CHKA: variants seen among roughly 807,000 people sequenced by gnomAD.
CHKA encodes choline kinase alpha.
CHKA carries 34 observed loss-of-function variants against 60.1 expected under a neutral mutation model. The observed-to-expected ratio is 0.57, with a 90% CI of 0.43 to 0.75. The LOEUF (loss-of-function observed/expected upper bound fraction) is 0.75. CHKA is among the 30% of genes least tolerant of loss of function. CHKA has a pLI of 0.00. For missense variants in CHKA, 563 were observed against 561.3 expected (o/e 1.00, Z -0.03); for synonymous variants, 217 against 223.1 (o/e 0.97, Z 0.24).
chr11:68,086,788 C>T (rs1484650625), intron 2 of CHKA, among the ~76,000 whole-genome samples: 7 of 152,164 alleles, frequency 4.6e-5, no homozygotes, highest in South Asian at 2.1e-4. Context: ...GGGATTGAGA[C>T]CATCCTGGCT....
intron 1 of CHKA, among the ~76,000 whole-genome samples, chr11:68,104,187 T>C (rs996650027): frequency 2.6e-5 from 4 of 152,182 alleles, no homozygotes; most frequent in Non-Finnish European, 2.9e-5. Context: ...TGTGACAATA[T>C]GGATGAACCT....
chr11:68,095,511 C>A (rs1857473038), intron 2 of CHKA, among the ~76,000 whole-genome samples: 1 of 146,496 alleles, frequency 6.8e-6, no homozygotes, highest in South Asian at 2.2e-4. Context: ...AGATCGAGAC[C>A]ATCCTGGCTA....
chr11:68,079,919 G>T (rs1856923436), intron 3 of CHKA, among the ~76,000 whole-genome samples: 1 of 152,144 alleles, frequency 6.6e-6, no homozygotes, highest in Non-Finnish European at 1.5e-5. Flanking sequence ...CAAATCATGG[G>T]GCGCCCTAGC....
At position 68,066,639 on chromosome 11, in the gene CHKA, T is replaced by C. The variant is rs912146536; in HGVS notation, c.929-123A>G. Reference sequence around the variant, plus strand: ...TCCTAACTGAATGTGGCTTTTGGTCTGTGGACATCACCAGGGCCTAGACAG... The same window carrying C: ...TCCTAACTGAATGTGGCTTTTGGTCCGTGGACATCACCAGGGCCTAGACAG... On this transcript the variant is annotated intron_variant, in intron 7 of 11. Coordinates refer to ENST00000265689, the MANE Select transcript of CHKA (RefSeq NM_001277.3). 4.2e-5 allele frequency: 32 copies of C among 760,968 alleles called. 1 individual carries two copies. The highest frequency in any genetic ancestry group is 4.0e-4 in the South Asian group (25 of 62,284). 47.1% of individuals were successfully genotyped at this position (760,968 alleles called of 1,614,324 possible).
chr11:68,073,926 A>G (rs1024953488), intron 4 of CHKA, among the ~76,000 whole-genome samples: 10 of 152,184 alleles, frequency 6.6e-5, no homozygotes, highest in African/African-American at 2.4e-4. Context: ...TGATCTATCT[A>G]GGAAGAGAGT....
In CHKA at chr11:68,053,735, T is replaced by G; in HGVS notation, c.*253A>C. ...AAATGCCTTCTCTAGATTAAAAGGA[T>G]TCAGAGATGTTGCACTATTGCACTA... On this transcript the variant is annotated 3_prime_UTR_variant, in exon 12 of 12. Coordinates refer to ENST00000265689, the MANE Select transcript of CHKA (RefSeq NM_001277.3). 1 of 413,722 alleles carries G rather than the reference T, an allele frequency of 2.4e-6. No individual in the cohort carries two copies. The highest frequency in any genetic ancestry group is 4.3e-6 in the Non-Finnish European group (1 of 230,386). 25.6% of individuals were successfully genotyped at this position (413,722 alleles called of 1,614,324 possible).
intron 9 of CHKA, 38 bp from the exon 10 acceptor site, chr11:68,064,669 T>C: frequency 8.2e-7 from 1 of 1,213,822 alleles, no homozygotes; most frequent in South Asian, 1.4e-5. Flanking sequence ...CAATGATGGT[T>C]AAAATAGACA....
chr11:68,078,968 G>A (rs1856882833), intron 3 of CHKA, among the ~76,000 whole-genome samples: 1 of 151,244 alleles, frequency 6.6e-6, no homozygotes, highest in African/African-American at 2.4e-5. Context: ...TTTTGGAGAT[G>A]GATAGCCCAG....
intron 1 of CHKA, among the ~76,000 whole-genome samples, chr11:68,103,663 G>A (rs975187166): frequency 6.6e-6 from 1 of 151,854 alleles, no homozygotes; most frequent in African/African-American, 2.4e-5. Context: ...TGTAATCCCC[G>A]CACTTTGGAA....
chr11:68,103,192 A>G (rs562348814), intron 1 of CHKA, among the ~76,000 whole-genome samples: 1 of 152,276 alleles, frequency 6.6e-6, no homozygotes, highest in South Asian at 2.1e-4. Flanking sequence ...GATGACAAAT[A>G]AATGGCCAGA....
intron 2 of CHKA, among the ~76,000 whole-genome samples, chr11:68,083,552 A>G (rs928875574): frequency 6.6e-6 from 1 of 152,148 alleles, no homozygotes; most frequent in African/African-American, 2.4e-5. Context: ...AGATACAGTT[A>G]ATGGGTTATT....
chr11:68,066,071 A>G (rs929606489), intron 8 of CHKA, among the ~76,000 whole-genome samples, 177 bp from the exon 9 acceptor site: 3 of 152,178 alleles, frequency 2.0e-5, no homozygotes, highest in Admixed American at 6.5e-5. Context: ...CAGGTGGTTG[A>G]TCAGCATCAC....
rs141518832 is a variant in CHKA at position 68,062,415 on chromosome 11, C to A, written c.1233-381G>T. ...AGCTTGCTACAAGGGAGGGTGCACA[C>A]CATAGCAACCAAGAGGCAGCCCTTT... On this transcript the variant is annotated intron_variant, in intron 10 of 11. Coordinates refer to ENST00000265689, the MANE Select transcript of CHKA (RefSeq NM_001277.3). Among the ~76,000 whole-genome samples the A allele has an allele frequency of 5.9e-3, 895 of 152,350 alleles. 2 individuals are homozygous for A. Among genetic ancestry groups the A allele is most frequent in the African/African-American group, 0.017 (694 of 41,566 alleles).
At position 68,115,131 on chromosome 11, in the gene CHKA, T is replaced by G. The variant is rs753570901; in HGVS notation, c.350+5697A>C. On this transcript the variant is annotated intron_variant, in intron 1 of 11. Coordinates refer to ENST00000265689, the MANE Select transcript of CHKA (RefSeq NM_001277.3). ...CACTTTATTATAAAAACAGACTTTC[T>G]GTTAGATTACTTTGCCCAACTGTAA... is the stretch of plus-strand genomic sequence containing the variant. Among the ~76,000 whole-genome samples, 134 of 152,324 alleles carry G rather than the reference T, an allele frequency of 8.8e-4. 2 individuals carry two copies. The highest frequency in any genetic ancestry group is 1.1e-3 in the Non-Finnish European group (78 of 68,030).
Position 68,062,163 on chromosome 11 carries a change from T to C in CHKA, c.1233-129A>G, listed in dbSNP as rs1856273184. The C allele has an allele frequency of 4.5e-6, 3 of 661,486 alleles. No homozygotes were observed. The South Asian group carries it at 5.4e-5, about 12-fold the overall frequency. 41.0% of individuals were successfully genotyped at this position (661,486 alleles called of 1,614,324 possible). ...AAACCTAGTTAGTGTTGGCAAATCA[T>C]GGGTCTATATTCCACGGGACTAACT... On this transcript the variant is annotated intron_variant, in intron 10 of 11. Coordinates refer to ENST00000265689, the MANE Select transcript of CHKA (RefSeq NM_001277.3).
chr11:68,070,395 A>G, intron 5 of CHKA, 102 bp from the exon 6 acceptor site: 3 of 886,488 alleles, frequency 3.4e-6, no homozygotes, highest in Non-Finnish European at 5.4e-6. Flanking sequence ...ATCCCAGCGC[A>G]GTCACAATGC....
chr11:68,059,395 T>G (rs1856140543), intron 11 of CHKA, among the ~76,000 whole-genome samples: 2 of 152,256 alleles, frequency 1.3e-5, no homozygotes. Flanking sequence ...TAAACCAGCC[T>G]TGCATTCCAG....
At chr11:68,066,278 C>G in intron 8 of CHKA, 151 bp downstream of exon 8, 1 of 661,582 alleles carries the variant, frequency 1.5e-6, no homozygotes, top group East Asian at 2.7e-5. Context: ...ACAACCATCA[C>G]CGGCCACTGG....
chr11:68,075,743 C>T (rs1384239172), intron 3 of CHKA, among the ~76,000 whole-genome samples: 1 of 152,032 alleles, frequency 6.6e-6, no homozygotes, highest in African/African-American at 2.4e-5. Context: ...AGAGACCAGC[C>T]TGGGCAACAT....
Sources: gnomAD v4.1 joint callset for allele counts (sites outside exome capture counted in the v4.1 genomes callset) on GRCh38, gnomAD v4.1.1 for gene constraint, MANE v1.5 for transcripts, NCBI Gene and HGNC (gene_info 2026-07-23, HGNC 2026-07-21) for gene names.